CACNB2: variants seen among roughly 807,000 people sequenced by gnomAD.
CACNB2 encodes the protein calcium voltage-gated channel auxiliary subunit beta 2, also known as voltage-dependent L-type calcium channel subunit beta-2.
A neutral mutation model predicts 73.3 loss-of-function variants in CACNB2; 42 were observed. The ratio of observed to expected loss-of-function variants is 0.57; its 90% confidence interval spans 0.45 to 0.74. CACNB2 has a LOEUF of 0.74. Among genes scored for constraint, CACNB2 ranks in the 30% least tolerant of loss-of-function variants. CACNB2 has a pLI of 0.00. For synonymous variants in CACNB2, 348 were observed against 310.3 expected, an observed-to-expected ratio of 1.12 and a Z score of -1.28; for missense variants, 940 against 853.0, an observed-to-expected ratio of 1.10 and a Z score of -1.27.
chr10:18,408,790 T>C (rs1296429872), intron 3 of CACNB2, among the ~76,000 whole-genome samples: 2 of 152,222 alleles, frequency 1.3e-5, no homozygotes, highest in Non-Finnish European at 2.9e-5. Flanking sequence ...GATGAGATTA[T>C]GGACGCAAAT....
chr10:18,428,601 G>C (rs994645098), intron 3 of CACNB2, among the ~76,000 whole-genome samples: 11 of 151,476 alleles, frequency 7.3e-5, no homozygotes, highest in Non-Finnish European at 1.5e-4. Flanking sequence ...TATGAGAATC[G>C]CTTGAATTCA....
chr10:18,290,703 G>T (rs574624680), intron 2 of CACNB2, among the ~76,000 whole-genome samples: 93 of 152,346 alleles, frequency 6.1e-4, no homozygotes, highest in African/African-American at 2.2e-3. Context: ...GAACCTTCCA[G>T]AATGCTTCAC....
At chr10:18,225,397 C>T (rs928999180) in intron 2 of CACNB2, among the ~76,000 whole-genome samples, 3 of 152,100 alleles carry the variant, frequency 2.0e-5, no homozygotes, top group African/African-American at 4.8e-5. Flanking sequence ...ATATTAGATG[C>T]CCCATTTTAC....
chr10:18,374,685 A>G (rs2042722195), intron 2 of CACNB2, among the ~76,000 whole-genome samples: 2 of 152,178 alleles, frequency 1.3e-5, no homozygotes, highest in South Asian at 4.1e-4. Flanking sequence ...GTAGTTCAAC[A>G]CTCTGCATGA....
chr10:18,335,769 G>C (rs1047007094), intron 2 of CACNB2, among the ~76,000 whole-genome samples: 1 of 28,700 alleles, frequency 3.5e-5, no homozygotes, highest in Non-Finnish European at 6.9e-5. Context: ...TCTCAGTCTT[G>C]TTTGACAGCA....
At chr10:18,157,515 A>G (rs746387124) in intron 2 of CACNB2, among the ~76,000 whole-genome samples, 1 of 152,228 alleles carries the variant, frequency 6.6e-6, no homozygotes, top group Non-Finnish European at 1.5e-5. Flanking sequence ...TATTTGTAAC[A>G]TTAGTTAAAA....
chr10:18,536,533 A>AC (rs1238586093), intron 12 of CACNB2, among the ~76,000 whole-genome samples: 13 of 151,796 alleles, frequency 8.6e-5, no homozygotes, highest in Admixed American at 3.3e-4. Flanking sequence ...AAGTGCTAGG[A>AC]TTACAAGCAT....
intron 2 of CACNB2, among the ~76,000 whole-genome samples, chr10:18,359,085 T>C (rs993019315): frequency 5.3e-5 from 8 of 152,258 alleles, no homozygotes; most frequent in African/African-American, 1.9e-4. Context: ...GGGGTTTTAA[T>C]AACCACTGAA....
intron 2 of CACNB2, among the ~76,000 whole-genome samples, chr10:18,152,931 A>G (rs1235269162): frequency 1.3e-5 from 2 of 152,116 alleles, no homozygotes; most frequent in Non-Finnish European, 2.9e-5. Flanking sequence ...GAAGGCAGTC[A>G]CTGGACTCCA....
intron 2 of CACNB2, among the ~76,000 whole-genome samples, chr10:18,203,232 A>G (rs2034957050): frequency 1.3e-5 from 2 of 152,206 alleles, no homozygotes. Flanking sequence ...GAGAGTCGAA[A>G]TTATAGCCGA....
rs536601779 is a variant in CACNB2, at chr10:18,228,548, T to C, written c.213+77573T>C. Among the ~76,000 whole-genome samples, 13 of 151,336 alleles carry C rather than the reference T, an allele frequency of 8.6e-5. No individual in the cohort carries two copies. The South Asian group carries it at 2.7e-3, about 32-fold the overall frequency. On this transcript the variant is annotated intron_variant, in intron 2 of 13. Coordinates refer to ENST00000324631, the MANE Select transcript of CACNB2 (RefSeq NM_201596.3). ...CCAGACATGAAAGAATAGTGAAGGA[T>C]GTATCCTCAAAAGACAACCTCCTGT...
chr10:18,217,973 G>A (rs1197556793), intron 2 of CACNB2, among the ~76,000 whole-genome samples: 3 of 152,094 alleles, frequency 2.0e-5, no homozygotes, highest in Non-Finnish European at 4.4e-5. Context: ...ACTAGGAAGA[G>A]CCCCTTGTGT....
At chr10:18,434,332 T>G (rs1589342484) in intron 3 of CACNB2, among the ~76,000 whole-genome samples, 1 of 152,092 alleles carries the variant, frequency 6.6e-6, no homozygotes, top group East Asian at 1.9e-4. Context: ...GAATTAGGAA[T>G]GTACAAAATC....
chr10:18,292,731 A>C (rs1352148678), intron 2 of CACNB2, among the ~76,000 whole-genome samples: 2 of 152,212 alleles, frequency 1.3e-5, no homozygotes, highest in African/African-American at 4.8e-5. Flanking sequence ...GATTGAGCTC[A>C]GAATAACGAG....
chr10:18,298,167 A>G (rs146547561), intron 2 of CACNB2, among the ~76,000 whole-genome samples: 3,905 of 152,210 alleles, frequency 0.026, 176 homozygotes, highest in African/African-American at 0.087. Flanking sequence ...TCAGGAGTTC[A>G]AGACCAGCCT....
chr10:18,386,366 A>G (rs895177349), intron 2 of CACNB2, among the ~76,000 whole-genome samples: 2 of 150,394 alleles, frequency 1.3e-5, no homozygotes, highest in African/African-American at 4.9e-5. Flanking sequence ...TCATCAGTAT[A>G]TGAGCAACTT....
At chr10:18,482,874 A>G (rs1001404258) in intron 3 of CACNB2, among the ~76,000 whole-genome samples, 14 of 152,126 alleles carry the variant, frequency 9.2e-5, no homozygotes, top group Non-Finnish European at 1.6e-4. Flanking sequence ...TTATTTGTAG[A>G]TGTTCCAATG....
intron 3 of CACNB2, among the ~76,000 whole-genome samples, chr10:18,458,915 G>A (rs1412716832): frequency 2.0e-5 from 3 of 151,774 alleles, no homozygotes; most frequent in Non-Finnish European, 2.9e-5. Context: ...ACAAGCACCC[G>A]CCATCATGCC....
chr10:18,284,299 C>T (rs1452167157), intron 2 of CACNB2, among the ~76,000 whole-genome samples: 1 of 152,120 alleles, frequency 6.6e-6, no homozygotes, highest in East Asian at 1.9e-4. Context: ...AGGGAAAGAC[C>T]CACCCCCATG....
Sources: allele counts gnomAD v4.1 joint callset (sites outside exome capture counted in the v4.1 genomes callset), GRCh38; gene constraint gnomAD v4.1.1; transcripts MANE v1.5; gene names NCBI Gene and HGNC (gene_info 2026-07-23, HGNC 2026-07-21).